The following PARN variants were observed in gnomAD, a reference collection of about 807,000 sequenced individuals.
The protein encoded by PARN is poly(A)-specific ribonuclease.
Under a neutral mutation model 102.8 loss-of-function variants are expected in PARN, and 71 were observed. The ratio of observed to expected loss-of-function variants is 0.69; its 90% confidence interval spans 0.57 to 0.84. PARN has a LOEUF of 0.84. Ranked by LOEUF, PARN falls within the 40% of genes least tolerant of loss-of-function variation. The pLI is 0.00. For synonymous variants in PARN, 261 were observed against 252.9 expected, an observed-to-expected ratio of 1.03 and a Z score of -0.30; for missense variants, 782 against 760.9, an observed-to-expected ratio of 1.03 and a Z score of -0.33.
Position 14,629,466 on chromosome 16 carries a change from C to A in PARN, c.97+131G>T, listed in dbSNP as rs1972893901. The stretch of plus-strand genomic sequence containing the variant: ...AACGTTTAAAGGGTAACACTGAGAC[C>A]TGTGAAACCCGCCCAAGGCTACTAA... On this transcript the variant is annotated intron_variant, in intron 2 of 23. Coordinates refer to ENST00000437198, the MANE Select transcript of PARN (RefSeq NM_002582.4). The A allele has an allele frequency of 4.4e-6, 3 of 689,492 alleles. No individual in the cohort carries two copies. The South Asian group carries it at 4.9e-5, about 11-fold the overall frequency. 42.7% of individuals were successfully genotyped at this position (689,492 alleles called of 1,614,324 possible). A position where few individuals can be genotyped will look rare whatever the true frequency, so the allele number is the denominator to read the frequency against.
chr16:14,504,217 TAGG>T (rs1964769619), intron 21 of PARN, among the ~76,000 whole-genome samples: 1 of 152,176 alleles, frequency 6.6e-6, no homozygotes, highest in Non-Finnish European at 1.5e-5. Flanking sequence ...TGTTTAATAG[TAGG>T]AGAATAGTTA....
intron 22 of PARN, among the ~76,000 whole-genome samples, chr16:14,476,049 TCAAAAA>T (rs1963030017): frequency 6.6e-6 from 1 of 151,920 alleles, no homozygotes; most frequent in South Asian, 2.1e-4. Context: ...TTGAAGACAG[TCAAAAA>T]CAAAAAGAAA....
At chr16:14,616,200 A>C (rs1193289567) in intron 6 of PARN, among the ~76,000 whole-genome samples, 2 of 152,230 alleles carry the variant, frequency 1.3e-5, no homozygotes, top group African/African-American at 4.8e-5. Flanking sequence ...ATGGAGAGGA[A>C]GGAAAACCAA....
chr16:14,571,690 C>G (rs1567399277), intron 18 of PARN, among the ~76,000 whole-genome samples: 1 of 152,138 alleles, frequency 6.6e-6, no homozygotes, highest in African/African-American at 2.4e-5. Flanking sequence ...GAGAAGTTAA[C>G]TGAGGCCTAT....
chr16:14,549,359 T>G (rs931428768), intron 21 of PARN, among the ~76,000 whole-genome samples: 5 of 152,216 alleles, frequency 3.3e-5, no homozygotes, highest in African/African-American at 1.2e-4. Flanking sequence ...TTCCTCATGC[T>G]GCAGTGTGTG....
chr16:14,492,092 C>A (rs964900478), intron 21 of PARN, among the ~76,000 whole-genome samples: 1 of 152,208 alleles, frequency 6.6e-6, no homozygotes, highest in Non-Finnish European at 1.5e-5. Flanking sequence ...GATTCCTTGT[C>A]CTTCATGCTT....
intron 22 of PARN, among the ~76,000 whole-genome samples, chr16:14,451,843 T>TAAAAAAAAAAAAAAAAAAAAAAA (rs1184998225): frequency 3.7e-5 from 2 of 54,618 alleles, no homozygotes; most frequent in African/African-American, 6.5e-5. Context: ...ACCCCGTCTC[T>TAAAAAAAAAAAAAAAAAAAAAAA]AAAAAAAAAA....
At chr16:14,534,681 A>C (rs1447460542) in intron 21 of PARN, among the ~76,000 whole-genome samples, 4 of 152,092 alleles carry the variant, frequency 2.6e-5, no homozygotes, top group Non-Finnish European at 5.9e-5. Flanking sequence ...TCCTTTACAT[A>C]GGAGGAGTAG....
At chr16:14,505,470 C>T (rs761352528) in intron 21 of PARN, among the ~76,000 whole-genome samples, 25 of 151,764 alleles carry the variant, frequency 1.6e-4, no homozygotes, top group Non-Finnish European at 2.8e-4. Flanking sequence ...AGCAAGATCT[C>T]GTCTCTTAAA....
intron 6 of PARN, among the ~76,000 whole-genome samples, chr16:14,614,100 CAT>C (rs1281053751): frequency 2.0e-5 from 3 of 151,944 alleles, no homozygotes; most frequent in East Asian, 3.9e-4. Flanking sequence ...CTATAAAAAA[CAT>C]AAAAATTAGC....
chr16:14,521,550 G>C (rs1965730222), intron 21 of PARN, among the ~76,000 whole-genome samples: 1 of 152,210 alleles, frequency 6.6e-6, no homozygotes, highest in Non-Finnish European at 1.5e-5. Flanking sequence ...TGTAATCCCA[G>C]CACTTTGGGA....
chr16:14,467,920 T>C (rs757593479), intron 22 of PARN, among the ~76,000 whole-genome samples: 2 of 152,244 alleles, frequency 1.3e-5, no homozygotes, highest in Non-Finnish European at 2.9e-5. Context: ...CAGGATCTCC[T>C]GCTCATTCAT....
In PARN at chr16:14,449,578, A is replaced by G. The variant is rs150626806; in HGVS notation, c.1671-2497T>C. Among the ~76,000 whole-genome samples, 6 of 152,362 alleles carry G rather than the reference A, an allele frequency of 3.9e-5. No homozygotes were observed. In the East Asian group the frequency reaches 1.2e-3, roughly 29 times the overall value. On this transcript the variant is annotated intron_variant, in intron 22 of 23. Coordinates refer to ENST00000437198, the MANE Select transcript of PARN (RefSeq NM_002582.4). ...GAGCCAAGACAAATGACAAACCACG[A>G]GGAAATATCTGCAACATGTATCACA...
chr16:14,471,131 G>A (rs1368521811), intron 22 of PARN, among the ~76,000 whole-genome samples: 1 of 152,102 alleles, frequency 6.6e-6, no homozygotes, highest in Non-Finnish European at 1.5e-5. Context: ...CCCCAGCTGT[G>A]CTTTTGTCAA....
At chr16:14,567,498 C>T (rs1387787447) in intron 18 of PARN, among the ~76,000 whole-genome samples, 1 of 152,164 alleles carries the variant, frequency 6.6e-6, no homozygotes, top group East Asian at 1.9e-4. Context: ...CAGGTTCATA[C>T]CCATTTTTGG....
intron 13 of PARN, among the ~76,000 whole-genome samples, chr16:14,587,900 C>A (rs139051617): frequency 8.5e-4 from 130 of 152,310 alleles, no homozygotes; most frequent in African/African-American, 2.9e-3. Context: ...TGCTTACATA[C>A]AATGTGTTAA....
In PARN at chr16:14,481,577, A is replaced by C. The variant is rs367848910; in HGVS notation, c.1670+1061T>G. On this transcript the variant is annotated intron_variant, in intron 22 of 23. Coordinates refer to ENST00000437198, the MANE Select transcript of PARN (RefSeq NM_002582.4). ...ATTATATGAGTGTATCCAACTGTTA[A>C]AACTCTTTGAACTAAACATTTATGA... 1.6e-4 allele frequency among the ~76,000 whole-genome samples: 25 copies of C among 152,330 alleles called. No homozygotes were observed. In the South Asian group the frequency reaches 5.2e-3, roughly 32 times the overall value.
At chr16:14,598,827 T>G (rs1970690298) in intron 12 of PARN, among the ~76,000 whole-genome samples, 1 of 152,106 alleles carries the variant, frequency 6.6e-6, no homozygotes, top group Admixed American at 6.6e-5. Flanking sequence ...GCATGAAACC[T>G]TGAGAGGGTT....
In PARN at chr16:14,536,649, T is replaced by A. The variant is rs567165855; in HGVS notation, c.1480+15372A>T. On this transcript the variant is annotated intron_variant, in intron 21 of 23. Transcript: ENST00000437198. ...TCTCAAATATTAATCTGCAATTATC[T>A]TTGTTAATAAAGAGAGGGGTATTAA... 3.3e-5 allele frequency among the ~76,000 whole-genome samples: 5 copies of A among 152,228 alleles called. 1 individual carries two copies. In the South Asian group the frequency reaches 1.0e-3, roughly 31 times the overall value.
Sources: gnomAD v4.1 joint callset for allele counts (sites outside exome capture counted in the v4.1 genomes callset) on GRCh38, gnomAD v4.1.1 for gene constraint, MANE v1.5 for transcripts, NCBI Gene and HGNC (gene_info 2026-07-23, HGNC 2026-07-21) for gene names.